The following NELL2 variants were observed in gnomAD, a reference collection of about 807,000 sequenced individuals.
NELL2 encodes protein kinase C-binding protein NELL2.
Under a neutral mutation model 109.6 loss-of-function variants are expected in NELL2, and 41 were observed. The observed-to-expected ratio is 0.37, with a 90% CI of 0.29 to 0.49. The LOEUF (loss-of-function observed/expected upper bound fraction) is 0.49, where lower values mean the gene tolerates loss of function less well. NELL2 is among the 20% of genes least tolerant of loss of function. The pLI is 0.98. For missense variants in NELL2, 900 were observed against 1,008.3 expected (o/e 0.89, Z 1.45); for synonymous variants, 355 against 344.7 (o/e 1.03, Z -0.33).
chr12:44,700,845 C>A (rs1949207950), intron 12 of NELL2, among the ~76,000 whole-genome samples: 3 of 152,082 alleles, frequency 2.0e-5, no homozygotes, highest in African/African-American at 4.8e-5. Context: ...TAACCTTGCA[C>A]AAAGTAAGTA....
chr12:44,587,307 A>ATATATATATATATATATTT (rs1302978950), intron 15 of NELL2, among the ~76,000 whole-genome samples: 1 of 96,642 alleles, frequency 1.0e-5, no homozygotes, highest in African/African-American at 4.2e-5. Flanking sequence ...ATATATATAT[A>ATATATATATATATATATTT]TTTTTTTTTA....
intron 15 of NELL2, among the ~76,000 whole-genome samples, chr12:44,587,450 G>A (rs188213669): frequency 0.01 from 1,565 of 151,234 alleles, 17 homozygotes; most frequent in African/African-American, 0.029. Context: ...ATTACATTAC[G>A]AAATTGTTAA....
intron 12 of NELL2, among the ~76,000 whole-genome samples, chr12:44,675,995 AG>A (rs1948303388): frequency 6.6e-6 from 1 of 152,118 alleles, no homozygotes; most frequent in African/African-American, 2.4e-5. Context: ...TGTTTTTTAA[AG>A]TATAGTGTAT....
At chr12:44,862,951 C>A (rs549186061) in intron 2 of NELL2, among the ~76,000 whole-genome samples, 1 of 152,294 alleles carries the variant, frequency 6.6e-6, no homozygotes, top group East Asian at 1.9e-4. Flanking sequence ...TATATACACA[C>A]ACATACATAT....
chr12:44,836,899 A>T (rs932369381), intron 2 of NELL2, among the ~76,000 whole-genome samples: 1 of 152,112 alleles, frequency 6.6e-6, no homozygotes, highest in African/African-American at 2.4e-5. Context: ...TTTTGAGAGG[A>T]GGCGGGCATA....
chr12:44,919,530 C>T (rs943263886), intron 1 of NELL2, among the ~76,000 whole-genome samples: 17 of 152,070 alleles, frequency 1.1e-4, no homozygotes, highest in African/African-American at 3.9e-4. Context: ...CAGGGTGAGC[C>T]CTAATCCAAT....
chr12:44,780,534 A>G lies in NELL2; in HGVS notation c.336-512T>C, dbSNP rs1179333732. ...AGGCATGTAACACCAGAATAGTGTC[A>G]GAGAAGGCCAAGTTTAGAGCCAAGA... On this transcript the variant is annotated intron_variant, in intron 3 of 19. Transcript: ENST00000429094. Among the ~76,000 whole-genome samples, 6 of 151,890 alleles carry G rather than the reference A, an allele frequency of 4.0e-5. 1 individual carries two copies. Among genetic ancestry groups the G allele is most frequent in the Admixed American group, 3.9e-4 (6 of 15,220 alleles).
At chr12:44,840,136 G>T (rs1161746561) in intron 2 of NELL2, among the ~76,000 whole-genome samples, 1 of 152,056 alleles carries the variant, frequency 6.6e-6, no homozygotes, top group African/African-American at 2.4e-5. Context: ...TCATTGGCCT[G>T]TCAAAACCTA....
At chr12:44,618,173 T>C (rs992539027) in intron 13 of NELL2, among the ~76,000 whole-genome samples, 2 of 152,220 alleles carry the variant, frequency 1.3e-5, no homozygotes, top group African/African-American at 2.4e-5. Flanking sequence ...ACTTATTTGA[T>C]GCCCATATCA....
intron 16 of NELL2, among the ~76,000 whole-genome samples, chr12:44,526,893 T>G (rs899706936): frequency 6.6e-6 from 1 of 152,168 alleles, no homozygotes; most frequent in Non-Finnish European, 1.5e-5. Flanking sequence ...AATGTGGGTT[T>G]GATGCAGATT....
chr12:44,710,583 A>T (rs894075140), intron 11 of NELL2, among the ~76,000 whole-genome samples: 3 of 152,166 alleles, frequency 2.0e-5, no homozygotes, highest in Admixed American at 6.6e-5. Flanking sequence ...TTAATTTAAT[A>T]CATGAATCTA....
At chr12:44,644,169 G>A (rs914542570) in intron 13 of NELL2, among the ~76,000 whole-genome samples, 13 of 151,896 alleles carry the variant, frequency 8.6e-5, no homozygotes, top group Non-Finnish European at 1.5e-4. Flanking sequence ...GACAATCTTG[G>A]AATAAGAAAT....
At position 44,876,226 on chromosome 12, in the gene NELL2, GGGGGCGGCCCCAAGAAAGCCCGGGCT is replaced by G. The variant is rs1475336608; in HGVS notation, c.-383_-358del. 4.3e-6 allele frequency: 5 copies of G among 1,176,144 alleles called. No individual in the cohort carries two copies. Among genetic ancestry groups the G allele is most frequent in the Non-Finnish European group, 5.3e-6 (5 of 949,768 alleles). 72.9% of individuals were successfully genotyped at this position (1,176,144 alleles called of 1,614,324 possible). A position where few individuals can be genotyped will look rare whatever the true frequency, so the allele number is the denominator to read the frequency against. ...CAAAGACTCGCACACCCGGTAGAAGGGGGGCGGCCCCAAGAAAGCCCGGGCTGGGGCGGCCCCGCACCCCCCCGTCT... is the reference window on the plus strand; with the variant it reads ...CAAAGACTCGCACACCCGGTAGAAGGGGGGCGGCCCCGCACCCCCCCGTCT... On this transcript the variant is annotated 5_prime_UTR_variant, in exon 1 of 20. Coordinates refer to ENST00000429094, the MANE Select transcript of NELL2 (RefSeq NM_001145108.2).
At chr12:44,587,776 G>A (rs1476457865) in intron 15 of NELL2, among the ~76,000 whole-genome samples, 1 of 152,108 alleles carries the variant, frequency 6.6e-6, no homozygotes, top group African/African-American at 2.4e-5. Flanking sequence ...CTTAGCTTTT[G>A]TGCACCTCAT....
chr12:44,706,599 TATA>T (rs145542521), intron 11 of NELL2, among the ~76,000 whole-genome samples: 203 of 152,336 alleles, frequency 1.3e-3, no homozygotes, highest in Non-Finnish European at 2.1e-3. Flanking sequence ...TAAAAATTAG[TATA>T]ATAACTACCT....
intron 1 of NELL2, among the ~76,000 whole-genome samples, chr12:44,889,166 G>A (rs1945506865): frequency 1.3e-5 from 2 of 151,932 alleles, no homozygotes; most frequent in Non-Finnish European, 2.9e-5. Flanking sequence ...CCAAATAATG[G>A]TAATTTAAAT....
chr12:44,533,070 G>A (rs1300523386), intron 15 of NELL2, among the ~76,000 whole-genome samples: 1 of 152,168 alleles, frequency 6.6e-6, no homozygotes, highest in Non-Finnish European at 1.5e-5. Flanking sequence ...GTATGGCCAC[G>A]TGATAGGTGA....
At chr12:44,605,756 A>G (rs1000889633) in intron 15 of NELL2, among the ~76,000 whole-genome samples, 1 of 152,088 alleles carries the variant, frequency 6.6e-6, no homozygotes, top group Admixed American at 6.6e-5. Context: ...TTCTGTATCC[A>G]GCCTCTGTAC....
At chr12:44,838,141 G>T (rs1321251777) in intron 2 of NELL2, among the ~76,000 whole-genome samples, 1 of 151,956 alleles carries the variant, frequency 6.6e-6, no homozygotes, top group African/African-American at 2.4e-5. Context: ...AAGTCTAGGG[G>T]GTTTAATTTC....
Sources: gnomAD v4.1 joint callset for allele counts (sites outside exome capture counted in the v4.1 genomes callset) on GRCh38, gnomAD v4.1.1 for gene constraint, MANE v1.5 for transcripts, NCBI Gene and HGNC (gene_info 2026-07-23, HGNC 2026-07-21) for gene names.